The following IMMP2L variants were observed in gnomAD, a reference collection of about 807,000 sequenced individuals.
IMMP2L encodes the protein mitochondrial inner membrane protease subunit 2.
Under a neutral mutation model 19.3 loss-of-function variants are expected in IMMP2L, and 18 were observed. The ratio of observed to expected loss-of-function variants is 0.93; its 90% CI spans 0.64 to 1.38. IMMP2L has a LOEUF of 1.38. Ranked by LOEUF, IMMP2L falls within the 40% of genes most tolerant of loss-of-function variation. The pLI, the probability that IMMP2L is intolerant of heterozygous loss-of-function variation, is 0.00. For missense variants in IMMP2L, 233 were observed against 218.2 expected (o/e 1.07, Z -0.43); for synonymous variants, 76 against 73.0 (o/e 1.04, Z -0.21).
chr7:111,150,869 G>A (rs1239530550), intron 3 of IMMP2L, among the ~76,000 whole-genome samples: 1 of 152,086 alleles, frequency 6.6e-6, no homozygotes, highest in African/African-American at 2.4e-5. Flanking sequence ...TTTTCTGCAT[G>A]GCTTCCATAT....
At chr7:111,377,043 G>T (rs1830736554) in intron 3 of IMMP2L, among the ~76,000 whole-genome samples, 1 of 151,800 alleles carries the variant, frequency 6.6e-6, no homozygotes, top group Admixed American at 6.6e-5. Context: ...GAATCATATG[G>T]TATATGAATT....
intron 2 of IMMP2L, among the ~76,000 whole-genome samples, chr7:111,494,263 T>C (rs1159452695): frequency 2.0e-5 from 3 of 152,138 alleles, no homozygotes; most frequent in Admixed American, 2.0e-4. Context: ...GTATCAGATA[T>C]TCCTGCTAGT....
At chr7:111,080,047 T>G (rs1795764945) in intron 3 of IMMP2L, among the ~76,000 whole-genome samples, 1 of 152,234 alleles carries the variant, frequency 6.6e-6, no homozygotes, top group Non-Finnish European at 1.5e-5. Flanking sequence ...CTTTATAAAT[T>G]ACCCAGTCTA....
chr7:110,903,653 C>A (rs1812145528), intron 4 of IMMP2L, among the ~76,000 whole-genome samples: 1 of 152,062 alleles, frequency 6.6e-6, no homozygotes, highest in South Asian at 2.1e-4. Flanking sequence ...ATCCATTCAC[C>A]TGCTGATTGA....
chr7:111,081,292 AAAAG>A (rs773937163), intron 3 of IMMP2L, among the ~76,000 whole-genome samples: 1 of 152,278 alleles, frequency 6.6e-6, no homozygotes, highest in Non-Finnish European at 1.5e-5. Flanking sequence ...ATTTAAGGAA[AAAAG>A]AAAATGTAAA....
chr7:111,430,532 A>C (rs1216532685), intron 3 of IMMP2L, among the ~76,000 whole-genome samples: 1 of 151,814 alleles, frequency 6.6e-6, no homozygotes, highest in East Asian at 1.9e-4. Context: ...ATTATAAATA[A>C]AATTATTGTA....
intron 3 of IMMP2L, among the ~76,000 whole-genome samples, chr7:111,154,502 C>G (rs1392169298): frequency 6.6e-6 from 1 of 151,926 alleles, no homozygotes; most frequent in Non-Finnish European, 1.5e-5. Context: ...CCCTTTTTAC[C>G]ACTACAATTG....
chr7:111,556,402 A>T (rs914261096), intron 1 of IMMP2L, among the ~76,000 whole-genome samples: 1 of 152,098 alleles, frequency 6.6e-6, no homozygotes, highest in Non-Finnish European at 1.5e-5. Flanking sequence ...GTATTCCATA[A>T]CATGTTATTT....
Position 110,918,656 on chromosome 7 carries a change from A to C in IMMP2L, c.306-31961T>G, listed in dbSNP as rs184503239. Among the ~76,000 whole-genome samples, 583 of 151,790 alleles carry C rather than the reference A, an allele frequency of 3.8e-3. 7 individuals are homozygous for C. Among genetic ancestry groups the C allele is most frequent in the African/African-American group, 0.013 (543 of 41,410 alleles). On this transcript the variant is annotated intron_variant, in intron 4 of 5. Transcript: ENST00000405709. The stretch of plus-strand genomic sequence containing the variant: ...TTTTTAGTAGAGACAGGGTTTCACC[A>C]TGTTGGCCAGGCTGGTCTTGAACTC...
chr7:111,322,523 A>G (rs1448518276), intron 3 of IMMP2L, among the ~76,000 whole-genome samples: 1 of 151,766 alleles, frequency 6.6e-6, no homozygotes, highest in Non-Finnish European at 1.5e-5. Context: ...TAAGTTTGAA[A>G]CAATGGTAGA....
At chr7:111,469,347 G>A (rs1469649938) in intron 3 of IMMP2L, among the ~76,000 whole-genome samples, 1 of 152,090 alleles carries the variant, frequency 6.6e-6, no homozygotes, top group Non-Finnish European at 1.5e-5. Context: ...ACCTTGGGCA[G>A]TATGGCCATT....
chr7:110,812,014 T>C (rs1012584656), intron 5 of IMMP2L, among the ~76,000 whole-genome samples: 2 of 152,070 alleles, frequency 1.3e-5, no homozygotes, highest in African/African-American at 4.8e-5. Context: ...ACTGATAGCC[T>C]GTTTCATATG....
intron 1 of IMMP2L, among the ~76,000 whole-genome samples, chr7:111,542,362 C>T (rs908659260): frequency 6.6e-6 from 1 of 152,078 alleles, no homozygotes; most frequent in Non-Finnish European, 1.5e-5. Flanking sequence ...ATGTTAAACA[C>T]AGTAATACTG....
chr7:111,486,228 T>C (rs966599777), intron 3 of IMMP2L, among the ~76,000 whole-genome samples: 2 of 152,194 alleles, frequency 1.3e-5, no homozygotes, highest in African/African-American at 2.4e-5. Flanking sequence ...TTAATATGTT[T>C]TCAAATGAAT....
chr7:110,775,673 T>C (rs965006838), intron 5 of IMMP2L, among the ~76,000 whole-genome samples: 1 of 152,114 alleles, frequency 6.6e-6, no homozygotes, highest in Admixed American at 6.6e-5. Flanking sequence ...TTGAAAGCTC[T>C]GAAGAATAAA....
intron 5 of IMMP2L, among the ~76,000 whole-genome samples, chr7:110,718,956 G>A (rs1044271901): frequency 6.6e-6 from 1 of 152,162 alleles, no homozygotes; most frequent in African/African-American, 2.4e-5. Context: ...AGATCAAGGG[G>A]TCCTCCTGCT....
At chr7:111,087,298 A>G (rs1331306039) in intron 3 of IMMP2L, among the ~76,000 whole-genome samples, 1 of 152,076 alleles carries the variant, frequency 6.6e-6, no homozygotes. Context: ...AAATACAAAA[A>G]ATTTGCAGGG....
intron 5 of IMMP2L, among the ~76,000 whole-genome samples, chr7:110,804,468 A>G (rs907282452): frequency 2.6e-5 from 4 of 152,016 alleles, no homozygotes; most frequent in East Asian, 3.9e-4. Context: ...ACTAAAACCA[A>G]TCAGAAGGCA....
intron 5 of IMMP2L, among the ~76,000 whole-genome samples, chr7:110,801,105 T>A (rs1192075849): frequency 6.6e-6 from 1 of 152,254 alleles, no homozygotes; most frequent in East Asian, 1.9e-4. Context: ...TCTGTGATTG[T>A]TTTTAACTCA....
Sources: allele counts gnomAD v4.1 joint callset (sites outside exome capture counted in the v4.1 genomes callset), GRCh38; gene constraint gnomAD v4.1.1; transcripts MANE v1.5; gene names NCBI Gene and HGNC (gene_info 2026-07-23, HGNC 2026-07-21).